Variants in ZBTB38 observed in about 807,000 individuals in gnomAD.
ZBTB38 encodes the protein zinc finger and BTB domain-containing protein 38.
ZBTB38 carries 20 observed loss-of-function variants against 76.8 expected under a neutral mutation model. The observed-to-expected ratio is 0.26, with a 90% CI of 0.18 to 0.38. The LOEUF (loss-of-function observed/expected upper bound fraction) is 0.38. Among genes scored for constraint, ZBTB38 ranks in the 10% least tolerant of loss-of-function variants. The probability of loss-of-function intolerance (pLI) is 1.00; values close to 1 mark genes in which losing one functional copy is unlikely to be tolerated. For synonymous variants in ZBTB38, 504 were observed against 544.2 expected, an observed-to-expected ratio of 0.93 and a Z score of 1.03; for missense variants, 1,082 against 1,482.3, an observed-to-expected ratio of 0.73 and a Z score of 4.43.
chr3:141,391,611 A>C (rs1948897764), intron 4 of ZBTB38, among the ~76,000 whole-genome samples: 1 of 152,250 alleles, frequency 6.6e-6, no homozygotes, highest in Non-Finnish European at 1.5e-5. Context: ...TCTGGCACAG[A>C]TTCAGTGTCA....
chr3:141,441,532 A>G (rs1559962701), intron 5 of ZBTB38, among the ~76,000 whole-genome samples: 2 of 152,212 alleles, frequency 1.3e-5, no homozygotes, highest in Non-Finnish European at 2.9e-5. Flanking sequence ...ATGAGTCACC[A>G]TAGGGCCAAT....
intron 5 of ZBTB38, among the ~76,000 whole-genome samples, chr3:141,421,017 GAA>G (rs551301024): frequency 0.071 from 9,379 of 131,436 alleles, 355 homozygotes; most frequent in East Asian, 0.19. Context: ...AGAAGTTCAG[GAA>G]AAAAAAAAAA....
intron 1 of ZBTB38, among the ~76,000 whole-genome samples, chr3:141,360,507 C>T (rs1033225931): frequency 4.6e-5 from 7 of 152,264 alleles, no homozygotes; most frequent in African/African-American, 1.7e-4. Context: ...GATGGAAAAT[C>T]TTTTAATTAT....
intron 3 of ZBTB38, among the ~76,000 whole-genome samples, chr3:141,381,741 G>A (rs1946226296): frequency 6.6e-6 from 1 of 152,176 alleles, no homozygotes; most frequent in African/African-American, 2.4e-5. Context: ...TGCAAATGAA[G>A]CAGGATAGTC....
intron 1 of ZBTB38, among the ~76,000 whole-genome samples, chr3:141,360,802 G>A (rs552938007): frequency 2.6e-4 from 40 of 152,198 alleles, no homozygotes; most frequent in African/African-American, 9.4e-4. Context: ...ACTGTTGACG[G>A]TATTACCCCC....
chr3:141,383,353 A>T (rs1946468708), intron 3 of ZBTB38, among the ~76,000 whole-genome samples: 1 of 152,244 alleles, frequency 6.6e-6, no homozygotes, highest in African/African-American at 2.4e-5. Context: ...TTAAGAATTT[A>T]AACAAAAGTG....
Position 141,446,020 on chromosome 3 carries a change from T to C in ZBTB38, c.*44T>C. On this transcript the variant is annotated 3_prime_UTR_variant, in exon 6 of 6. Coordinates refer to ENST00000321464, the MANE Select transcript of ZBTB38 (RefSeq NM_001376113.1). ...ATCTTCAAAAATATAGTTGGTGGTT[T>C]TTTTAGTTATGATTTAAGTTTAGTT... 1 of 1,484,318 alleles carries C rather than the reference T, an allele frequency of 6.7e-7. No homozygotes were observed. The highest frequency in any genetic ancestry group is 1.3e-5 in the South Asian group (1 of 74,694). The allele number at this position is 1,484,318 out of a possible 1,614,324, so 91.9% of individuals were successfully genotyped here.
At chr3:141,378,864 G>GAA (rs1163194806) in intron 2 of ZBTB38, among the ~76,000 whole-genome samples, 1 of 152,238 alleles carries the variant, frequency 6.6e-6, no homozygotes, top group African/African-American at 2.4e-5. Context: ...TCAGATCTAA[G>GAA]AAATGGTCTC....
intron 1 of ZBTB38, among the ~76,000 whole-genome samples, chr3:141,343,810 T>C (rs1559914341): frequency 6.6e-6 from 1 of 152,230 alleles, no homozygotes; most frequent in Non-Finnish European, 1.5e-5. Context: ...GACAGTTCCA[T>C]GGCTCAGATT....
Position 141,370,875 on chromosome 3 carries a change from A to G in ZBTB38, c.-235+929A>G, listed in dbSNP as rs148171013. Among the ~76,000 whole-genome samples the G allele has an allele frequency of 9.2e-3, 1,406 of 152,284 alleles. 10 individuals carry two copies. The highest frequency in any genetic ancestry group is 0.027 in the Middle Eastern group (8 of 294). On this transcript the variant is annotated intron_variant, in intron 2 of 5. Coordinates refer to ENST00000321464, the MANE Select transcript of ZBTB38 (RefSeq NM_001376113.1). ...ACTATGAGCCCCAGTGGTCTATAGG[A>G]AAGCTCTTGACTTCCTTAGCTCGTA...
chr3:141,432,306 T>G (rs2150560452), intron 5 of ZBTB38: 1 of 981,348 alleles, frequency 1.0e-6, no homozygotes, highest in Non-Finnish European at 1.2e-6. Context: ...TTTCTTTTTA[T>G]AGAAGACAAC....
intron 4 of ZBTB38, among the ~76,000 whole-genome samples, chr3:141,399,773 C>A (rs1445031044): frequency 6.6e-6 from 1 of 152,000 alleles, no homozygotes; most frequent in Admixed American, 6.6e-5. Flanking sequence ...AAAGAGAAGA[C>A]GTTAGTAAGT....
At chr3:141,404,889 C>T (rs188207163) in intron 5 of ZBTB38, among the ~76,000 whole-genome samples, 13 of 152,304 alleles carry the variant, frequency 8.5e-5, no homozygotes, top group East Asian at 7.7e-4. Flanking sequence ...GTAGGATGGA[C>T]GGTGCTTGCC....
chr3:141,374,621 T>C (rs974396587), intron 2 of ZBTB38, among the ~76,000 whole-genome samples: 1 of 151,934 alleles, frequency 6.6e-6, no homozygotes, highest in Non-Finnish European at 1.5e-5. Flanking sequence ...AAGAAAAAAA[T>C]TGGAAAAAAT....
intron 1 of ZBTB38, among the ~76,000 whole-genome samples, chr3:141,331,955 GA>G (rs1942867721): frequency 6.6e-6 from 1 of 152,222 alleles, no homozygotes; most frequent in South Asian, 2.1e-4. Flanking sequence ...ATAAGTGGAA[GA>G]TAATGCACTT....
chr3:141,368,435 C>G (rs1297851356), upstream of ZBTB38: 1 of 151,788 alleles, frequency 6.6e-6, no homozygotes, highest in Non-Finnish European at 1.5e-5. Flanking sequence ...GGGCTGCTGG[C>G]GATGACTCAG....
At chr3:141,379,413 G>A (rs896807480) in intron 2 of ZBTB38, among the ~76,000 whole-genome samples, 3 of 152,156 alleles carry the variant, frequency 2.0e-5, no homozygotes, top group Non-Finnish European at 4.4e-5. Flanking sequence ...ATCCTGTCCG[G>A]ATGTGACAAT....
At chr3:141,398,316 A>G (rs1352084446) in intron 4 of ZBTB38, among the ~76,000 whole-genome samples, 3 of 152,162 alleles carry the variant, frequency 2.0e-5, no homozygotes, top group African/African-American at 7.2e-5. Flanking sequence ...TGGTTTTAAA[A>G]TGATTATTAC....
chr3:141,362,671 G>A (rs1032997969), intron 1 of ZBTB38, among the ~76,000 whole-genome samples: 1 of 152,072 alleles, frequency 6.6e-6, no homozygotes, highest in South Asian at 2.1e-4. Context: ...AAGGACCAGA[G>A]GAAGGCTGAT....
Sources: allele counts gnomAD v4.1 joint callset (sites outside exome capture counted in the v4.1 genomes callset), GRCh38; gene constraint gnomAD v4.1.1; transcripts MANE v1.5; gene names NCBI Gene and HGNC (gene_info 2026-07-23, HGNC 2026-07-21).